The following ENOX1 variants were observed in gnomAD, a reference collection of about 807,000 sequenced individuals.
ENOX1 encodes candidate growth-related and time keeping constitutive hydroquinone (NADH) oxidase.
Under a neutral mutation model 82.5 loss-of-function variants are expected in ENOX1, and 42 were observed. That is an observed-to-expected ratio of 0.51 (90% confidence interval 0.40 to 0.66). ENOX1 has a LOEUF of 0.66. Ranked by LOEUF, ENOX1 falls within the 30% of genes least tolerant of loss-of-function variation. The pLI, the probability that ENOX1 is intolerant of heterozygous loss-of-function variation, is 0.00. For missense variants in ENOX1, 608 were observed against 811.6 expected, an observed-to-expected ratio of 0.75 and a Z score of 3.05; for synonymous variants, 271 against 282.2, an observed-to-expected ratio of 0.96 and a Z score of 0.40.
chr13:43,260,019 C>T (rs1262466249), intron 14 of ENOX1, among the ~76,000 whole-genome samples: 1 of 152,178 alleles, frequency 6.6e-6, no homozygotes, highest in African/African-American at 2.4e-5. Context: ...TGTATTCTCT[C>T]TCACGCCTCC....
intron 3 of ENOX1, among the ~76,000 whole-genome samples, chr13:43,450,257 A>C (rs1177558290): frequency 1.3e-5 from 2 of 152,080 alleles, no homozygotes; most frequent in African/African-American, 2.4e-5. Flanking sequence ...ACACCCTCAC[A>C]CCTCTCCAAA....
chr13:43,314,799 A>G (rs994954462), intron 11 of ENOX1, among the ~76,000 whole-genome samples: 3 of 152,208 alleles, frequency 2.0e-5, no homozygotes, highest in Non-Finnish European at 4.4e-5. Context: ...CCATACTCAC[A>G]TTCAAGGGAC....
intron 2 of ENOX1, among the ~76,000 whole-genome samples, chr13:43,571,299 C>T (rs1184621493): frequency 6.6e-6 from 1 of 152,188 alleles, no homozygotes; most frequent in African/African-American, 2.4e-5. Context: ...ATGGTATACA[C>T]TCCATCTGTC....
intron 2 of ENOX1, among the ~76,000 whole-genome samples, chr13:43,526,913 A>G (rs1236777768): frequency 6.6e-6 from 1 of 152,080 alleles, no homozygotes; most frequent in Non-Finnish European, 1.5e-5. Flanking sequence ...AACAGGCATT[A>G]CACAGCATTC....
At chr13:43,576,206 A>G (rs936294663) in intron 2 of ENOX1, among the ~76,000 whole-genome samples, 9 of 152,182 alleles carry the variant, frequency 5.9e-5, no homozygotes, top group African/African-American at 2.2e-4. Context: ...AGACTGTTGT[A>G]ATAGGACAAC....
At chr13:43,220,659 C>T (rs748318747) in intron 16 of ENOX1, among the ~76,000 whole-genome samples, 13 of 152,240 alleles carry the variant, frequency 8.5e-5, no homozygotes, top group South Asian at 8.3e-4. Context: ...TGGTGCACAG[C>T]CTTTTTTTTG....
intron 3 of ENOX1, among the ~76,000 whole-genome samples, chr13:43,418,867 T>G (rs995595895): frequency 6.6e-6 from 1 of 152,208 alleles, no homozygotes; most frequent in African/African-American, 2.4e-5. Context: ...GGCTAGATAA[T>G]GGGGCAAATA....
At chr13:43,754,899 T>G (rs1197938268) in intron 1 of ENOX1, among the ~76,000 whole-genome samples, 5 of 152,164 alleles carry the variant, frequency 3.3e-5, no homozygotes, top group African/African-American at 4.8e-5. Flanking sequence ...AATCTGCATA[T>G]TAATGTATGC....
chr13:43,583,719 A>C (rs188357456), intron 2 of ENOX1, among the ~76,000 whole-genome samples: 13 of 152,320 alleles, frequency 8.5e-5, no homozygotes, highest in Admixed American at 7.2e-4. Flanking sequence ...TTTTTTAAAA[A>C]CATCAGGTCT....
At chr13:43,419,405 G>A (rs973429729) in intron 3 of ENOX1, among the ~76,000 whole-genome samples, 7 of 152,000 alleles carry the variant, frequency 4.6e-5, no homozygotes, top group African/African-American at 1.7e-4. Context: ...AGTTAGTCAA[G>A]CATGGTAGTG....
At chr13:43,709,960 TTA>T (rs1210872973) in intron 1 of ENOX1, among the ~76,000 whole-genome samples, 2 of 152,160 alleles carry the variant, frequency 1.3e-5, no homozygotes, top group African/African-American at 4.8e-5. Context: ...CATTCCTATT[TTA>T]TATGTTATTA....
At chr13:43,562,190 C>T (rs1221863648) in intron 2 of ENOX1, among the ~76,000 whole-genome samples, 1 of 151,942 alleles carries the variant, frequency 6.6e-6, no homozygotes, top group Non-Finnish European at 1.5e-5. Context: ...ATAGACAGTA[C>T]AATAACATAT....
At chr13:43,388,856 C>A (rs1485881857) in intron 5 of ENOX1, among the ~76,000 whole-genome samples, 4 of 151,954 alleles carry the variant, frequency 2.6e-5, no homozygotes, top group African/African-American at 2.4e-5. Flanking sequence ...GCTGTTCAAT[C>A]TTATCCAACT....
intron 1 of ENOX1, among the ~76,000 whole-genome samples, chr13:43,771,224 C>A (rs1267088787): frequency 6.6e-6 from 1 of 152,092 alleles, no homozygotes; most frequent in Non-Finnish European, 1.5e-5. Flanking sequence ...GACACAGCTG[C>A]CTCCAGAAAG....
intron 3 of ENOX1, among the ~76,000 whole-genome samples, chr13:43,483,558 G>A (rs1257655416): frequency 6.6e-6 from 1 of 152,024 alleles, no homozygotes; most frequent in Non-Finnish European, 1.5e-5. Flanking sequence ...AACATTCAGG[G>A]CACTGAGTTT....
intron 11 of ENOX1, among the ~76,000 whole-genome samples, chr13:43,319,783 T>C (rs2047706125): frequency 6.6e-6 from 1 of 152,222 alleles, no homozygotes; most frequent in South Asian, 2.1e-4. Flanking sequence ...AAAATCCCAC[T>C]GTTTAAGCAG....
intron 1 of ENOX1, among the ~76,000 whole-genome samples, chr13:43,682,981 T>C (rs750738359): frequency 5.3e-5 from 8 of 152,204 alleles, no homozygotes; most frequent in Non-Finnish European, 1.2e-4. Flanking sequence ...GGGTTTTTAA[T>C]ATAACAGAAC....
At chr13:43,261,913 G>A (rs1036425007) in intron 14 of ENOX1, among the ~76,000 whole-genome samples, 24 of 149,802 alleles carry the variant, frequency 1.6e-4, no homozygotes, top group East Asian at 3.9e-4. Flanking sequence ...TGGGTGCAGC[G>A]CACCAGCATG....
At chr13:43,471,630 G>A (rs1228561767) in intron 3 of ENOX1, among the ~76,000 whole-genome samples, 1 of 151,968 alleles carries the variant, frequency 6.6e-6, no homozygotes, top group African/African-American at 2.4e-5. Context: ...CTAACATGGT[G>A]AAAGCCCATC....
Sources: gnomAD v4.1 joint callset for allele counts (sites outside exome capture counted in the v4.1 genomes callset) on GRCh38, gnomAD v4.1.1 for gene constraint, MANE v1.5 for transcripts, NCBI Gene and HGNC (gene_info 2026-07-23, HGNC 2026-07-21) for gene names.